The following NBEAL1 variants were observed in gnomAD, a reference collection of about 807,000 sequenced individuals.
NBEAL1 encodes the protein neurobeachin-like protein 1.
A neutral mutation model predicts 351.3 loss-of-function variants in NBEAL1; 273 were observed. The ratio of observed to expected loss-of-function variants is 0.78; its 90% confidence interval spans 0.70 to 0.86. NBEAL1 has a LOEUF of 0.86. NBEAL1 is among the 40% of genes least tolerant of loss of function. The pLI is 0.00. For synonymous variants in NBEAL1, 1,050 were observed against 1,086.4 expected, an observed-to-expected ratio of 0.97 and a Z score of 0.66; for missense variants, 2,961 against 3,201.3, an observed-to-expected ratio of 0.92 and a Z score of 1.81.
rs555056031 is a variant in NBEAL1 at position 203,129,541 on chromosome 2, G to T, written c.3406-777G>T. On this transcript the variant is annotated intron_variant, in intron 24 of 55. Coordinates refer to ENST00000683969, the MANE Select transcript of NBEAL1 (RefSeq NM_001378026.1). Reference sequence around the variant, plus strand: ...ATTCATTGCCAACAATATTTTTTTTGGTTATTTCAGTTAAAGAGTTATTTG... The same window carrying T: ...ATTCATTGCCAACAATATTTTTTTTTGTTATTTCAGTTAAAGAGTTATTTG... Among the ~76,000 whole-genome samples the T allele has an allele frequency of 2.6e-5, 4 of 151,744 alleles. No individual in the cohort carries two copies. The South Asian group carries it at 8.3e-4, about 32-fold the overall frequency.
Position 203,062,867 on chromosome 2 carries a change from A to T in NBEAL1, c.515+5414A>T, listed in dbSNP as rs1478892934. 6.6e-6 allele frequency among the ~76,000 whole-genome samples: 1 copy of T among 152,192 alleles called. No individual in the cohort carries two copies. The highest frequency in any genetic ancestry group is 1.5e-5 in the Non-Finnish European group (1 of 68,038). On this transcript the variant is annotated intron_variant, in intron 6 of 55. Coordinates refer to ENST00000683969, the MANE Select transcript of NBEAL1 (RefSeq NM_001378026.1). This position sits in a 1 kb window ranked among gnomAD's most constrained non-coding sequence, Gnocchi z 4.2. ...TCCATTGCTCATGGAAGACCTATAC[A>T]AAGGGATCTACAGCAATAATTTACA... is the stretch of plus-strand genomic sequence containing the variant.
chr2:203,075,783 T>G (rs533789766), intron 7 of NBEAL1, among the ~76,000 whole-genome samples: 4 of 152,370 alleles, frequency 2.6e-5, no homozygotes, highest in Admixed American at 6.5e-5. Flanking sequence ...GTGATCCTTG[T>G]GCTTACTTTG....
At chr2:203,118,294 ACT>A (rs201740134) in intron 18 of NBEAL1, among the ~76,000 whole-genome samples, 5,472 of 152,166 alleles carry the variant, frequency 0.036, 132 homozygotes, top group Non-Finnish European at 0.055. Context: ...TCTAATATAT[ACT>A]CTGTGTTCAA....
intron 44 of NBEAL1, among the ~76,000 whole-genome samples, chr2:203,184,983 G>A (rs2064853741): frequency 6.6e-6 from 1 of 152,106 alleles, no homozygotes; most frequent in South Asian, 2.1e-4. Context: ...TTAGGGACCA[G>A]AGATGTACCC....
chr2:203,196,044 G>A (rs1383263213), intron 47 of NBEAL1, among the ~76,000 whole-genome samples: 1 of 152,158 alleles, frequency 6.6e-6, no homozygotes, highest in Non-Finnish European at 1.5e-5. Context: ...CTGTAACAAT[G>A]ATGGCAGTCT....
intron 17 of NBEAL1, among the ~76,000 whole-genome samples, chr2:203,113,745 T>C (rs1320244436): frequency 1.3e-5 from 2 of 151,700 alleles, no homozygotes; most frequent in Non-Finnish European, 2.9e-5. Flanking sequence ...TATGAGGTGG[T>C]TACCTTCTTG....
intron 6 of NBEAL1, among the ~76,000 whole-genome samples, chr2:203,059,396 G>GA (rs1405150577): frequency 1.3e-5 from 2 of 152,240 alleles, no homozygotes; most frequent in Non-Finnish European, 2.9e-5. Flanking sequence ...TGAATAGGCA[G>GA]AGAGCCTCTA....
Position 203,136,578 on chromosome 2 carries a change from ATTAC to A in NBEAL1, c.4390-18_4390-15del, listed in dbSNP as rs1559394456. ...CAACTACACCCTCTAGTTATTTAAA[ATTAC>A]TTTATATTTTCCATAGAGATGTGAG... On this transcript the variant is annotated splice_polypyrimidine_tract_variant and intron_variant, in intron 28 of 55. Transcript: ENST00000683969. 1 of 1,558,584 alleles carries A rather than the reference ATTAC, an allele frequency of 6.4e-7. No individual in the cohort carries two copies.
At chr2:203,031,862 G>A (rs947957876) in intron 2 of NBEAL1, among the ~76,000 whole-genome samples, 20 of 152,156 alleles carry the variant, frequency 1.3e-4, no homozygotes, top group African/African-American at 4.8e-4. Flanking sequence ...TCTACCTCCT[G>A]GTATTCTACC....
chr2:203,135,400 C>T (rs2063177018), intron 27 of NBEAL1, among the ~76,000 whole-genome samples: 1 of 152,024 alleles, frequency 6.6e-6, no homozygotes, highest in South Asian at 2.1e-4. Flanking sequence ...TTAACATATA[C>T]CATCATCCTA....
At chr2:203,165,782 C>G (rs944456307) in intron 36 of NBEAL1, among the ~76,000 whole-genome samples, 3 of 152,178 alleles carry the variant, frequency 2.0e-5, no homozygotes, top group African/African-American at 7.2e-5. Context: ...GTGGCTCATG[C>G]ATATTATCCC....
At position 203,218,572 on chromosome 2, in the gene NBEAL1, C is replaced by T. The variant is rs1303839571; in HGVS notation, c.*1218C>T. The stretch of plus-strand genomic sequence containing the variant: ...ATGCATTTTCAGGAAGGAATGGTTA[C>T]ATGGCTTTCTTTAAAGGGATCTGTT... On this transcript the variant is annotated 3_prime_UTR_variant, in exon 56 of 56. Transcript: ENST00000683969. 6.6e-6 allele frequency: 1 copy of T among 152,142 alleles called. No individual in the cohort carries two copies. The highest frequency in any genetic ancestry group is 6.6e-5 in the Admixed American group (1 of 15,266). The allele number at this position is 152,142 out of a possible 1,614,324, so 9.4% of individuals were successfully genotyped here.
intron 47 of NBEAL1, among the ~76,000 whole-genome samples, chr2:203,196,642 G>A (rs1018930933): frequency 1.3e-5 from 2 of 152,112 alleles, no homozygotes; most frequent in Admixed American, 1.3e-4. Context: ...TTGTTACTTA[G>A]TCCCTATTAA....
chr2:203,052,719 G>GTTATTTATTTATTTATTTATTTAT (rs56277425), intron 4 of NBEAL1, among the ~76,000 whole-genome samples: 1 of 145,408 alleles, frequency 6.9e-6, no homozygotes, highest in Non-Finnish European at 1.5e-5. Flanking sequence ...ACCATGCCCA[G>GTTATTTATTTATTTATTTATTTAT]TTATTTATTT....
At chr2:203,074,317 CTTTTTTTTTTTT>C (rs56217945) in intron 7 of NBEAL1, among the ~76,000 whole-genome samples, 4 of 98,300 alleles carry the variant, frequency 4.1e-5, no homozygotes, top group East Asian at 3.5e-4. Flanking sequence ...TTTCTTTCTT[CTTTTTTTTTTTT>C]TTTTTTTTTT....
chr2:203,138,765 A>G lies in NBEAL1; in HGVS notation c.4848+17A>G, dbSNP rs771738929. The stretch of plus-strand genomic sequence containing the variant: ...AATTTGCAGGTTTGTCCATTCTTTT[A>G]TATTATTTTCTGTGCTTGCATGCAG... On this transcript the variant is annotated intron_variant, in intron 31 of 55. Coordinates refer to ENST00000683969, the MANE Select transcript of NBEAL1 (RefSeq NM_001378026.1). 3 of 1,599,258 alleles carry G rather than the reference A, an allele frequency of 1.9e-6. No homozygotes were observed. The highest frequency in any genetic ancestry group is 1.4e-5 in the African/African-American group (1 of 73,870).
At chr2:203,143,890 G>C (rs1028917619) in intron 31 of NBEAL1, among the ~76,000 whole-genome samples, 1 of 151,998 alleles carries the variant, frequency 6.6e-6, no homozygotes, top group African/African-American at 2.4e-5. Context: ...AGCAAAATCA[G>C]ACAAGTTTGC....
chr2:203,188,404 A>C, intron 44 of NBEAL1, 68 bp from the exon 45 acceptor site: 2 of 834,418 alleles, frequency 2.4e-6, no homozygotes, highest in South Asian at 6.0e-5. Context: ...TACTTTTTTA[A>C]AGAACTGAAT....
chr2:203,029,269 C>T (rs148300979), intron 2 of NBEAL1, among the ~76,000 whole-genome samples: 3,837 of 152,260 alleles, frequency 0.025, 162 homozygotes, highest in African/African-American at 0.086. Flanking sequence ...GGATTACAGG[C>T]ATGAGCCCCC....
Sources: allele counts gnomAD v4.1 joint callset (sites outside exome capture counted in the v4.1 genomes callset), GRCh38; gene constraint gnomAD v4.1.1; non-coding constraint Gnocchi (gnomAD v3.1); transcripts MANE v1.5; gene names NCBI Gene and HGNC (gene_info 2026-07-23, HGNC 2026-07-21).